Variants in KCNIP4 observed in about 807,000 individuals in gnomAD.
KCNIP4 encodes Kv channel-interacting protein 4.
A neutral mutation model predicts 34.0 loss-of-function variants in KCNIP4; 12 were observed. The observed-to-expected ratio is 0.35, with a 90% CI of 0.23 to 0.57. The LOEUF (loss-of-function observed/expected upper bound fraction) is 0.57, where lower values mean the gene tolerates loss of function less well. Among genes scored for constraint, KCNIP4 ranks in the 20% least tolerant of loss-of-function variants. The pLI, the probability that KCNIP4 is intolerant of heterozygous loss-of-function variation, is 0.83. For synonymous variants in KCNIP4, 124 were observed against 102.2 expected (o/e 1.21, Z -1.29); for missense variants, 238 against 311.7 (o/e 0.76, Z 1.78).
At chr4:21,498,991 C>G (rs1363090586) in intron 1 of KCNIP4, among the ~76,000 whole-genome samples, 1 of 152,130 alleles carries the variant, frequency 6.6e-6, no homozygotes, top group Non-Finnish European at 1.5e-5. Flanking sequence ...ATTTTCTTTG[C>G]TATTTATGTA....
rs969754473 is a variant in KCNIP4 at position 20,892,785 on chromosome 4, C to T, written c.62-10076G>A. 1.1e-4 allele frequency among the ~76,000 whole-genome samples: 16 copies of T among 152,208 alleles called. 1 individual carries two copies. The highest frequency in any genetic ancestry group is 9.8e-4 in the Admixed American group (15 of 15,280). ...CTTCTAAGTGTGTTTGTTTTTATCA[C>T]CTCTCTGCTGTACTGGCAGAACTAG... On this transcript the variant is annotated intron_variant, in intron 1 of 8. Transcript: ENST00000382152.
intron 1 of KCNIP4, among the ~76,000 whole-genome samples, chr4:21,688,820 C>A (rs1284104438): frequency 6.6e-6 from 1 of 151,776 alleles, no homozygotes; most frequent in African/African-American, 2.4e-5. Flanking sequence ...CCTCTCTCTC[C>A]CCAGCTGCTT....
At chr4:21,714,785 G>GACC (rs939238600) in intron 1 of KCNIP4, among the ~76,000 whole-genome samples, 1 of 43,388 alleles carries the variant, frequency 2.3e-5, no homozygotes, top group East Asian at 1.1e-3. Context: ...ATTTCCCTTT[G>GACC]ATTATTTTAT....
chr4:21,520,884 G>A (rs1311247397), intron 1 of KCNIP4, among the ~76,000 whole-genome samples: 1 of 152,118 alleles, frequency 6.6e-6, no homozygotes, highest in Non-Finnish European at 1.5e-5. Context: ...GAAAATGTAT[G>A]CTCTTAAGGC....
chr4:21,272,751 C>T (rs766743002), intron 1 of KCNIP4, among the ~76,000 whole-genome samples: 1 of 151,808 alleles, frequency 6.6e-6, no homozygotes, highest in Non-Finnish European at 1.5e-5. Flanking sequence ...TATTATTTTG[C>T]TTGGTGACTG....
At chr4:20,907,696 G>A (rs1560560729) in intron 1 of KCNIP4, among the ~76,000 whole-genome samples, 1 of 152,082 alleles carries the variant, frequency 6.6e-6, no homozygotes, top group Non-Finnish European at 1.5e-5. Context: ...TGATTTTTGT[G>A]CTGTTGTTAG....
intron 1 of KCNIP4, among the ~76,000 whole-genome samples, chr4:21,837,061 G>A (rs1435771737): frequency 1.3e-5 from 2 of 151,182 alleles, no homozygotes; most frequent in African/African-American, 4.9e-5. Flanking sequence ...GGGACTACAG[G>A]GGCCCGCCAC....
intron 1 of KCNIP4, among the ~76,000 whole-genome samples, chr4:21,528,845 A>G (rs1736396089): frequency 1.4e-5 from 2 of 144,486 alleles, no homozygotes; most frequent in African/African-American, 5.1e-5. Context: ...GGAAGGAAGG[A>G]AGGAAGGAAG....
At chr4:21,796,281 A>G (rs1279544750) in intron 1 of KCNIP4, among the ~76,000 whole-genome samples, 1 of 152,084 alleles carries the variant, frequency 6.6e-6, no homozygotes, top group Admixed American at 6.5e-5. Flanking sequence ...GGTTCTCTCC[A>G]ACCTTTCATT....
intron 1 of KCNIP4, among the ~76,000 whole-genome samples, chr4:21,387,950 C>T (rs1451160584): frequency 6.6e-6 from 1 of 152,084 alleles, no homozygotes; most frequent in Non-Finnish European, 1.5e-5. Context: ...TAATGGACGT[C>T]AGGGACAGCT....
intron 1 of KCNIP4, among the ~76,000 whole-genome samples, chr4:20,989,992 C>T (rs574295536): frequency 2.7e-4 from 41 of 152,168 alleles, no homozygotes; most frequent in African/African-American, 9.9e-4. Context: ...AGACAGCATT[C>T]ACGACAGTGG....
chr4:21,296,179 CT>C (rs2109225517), intron 1 of KCNIP4, among the ~76,000 whole-genome samples: 1 of 152,168 alleles, frequency 6.6e-6, no homozygotes, highest in East Asian at 1.9e-4. Flanking sequence ...ATGAATTGTT[CT>C]TTGATTTTGG....
chr4:21,279,402 T>C (rs1359219402), intron 1 of KCNIP4, among the ~76,000 whole-genome samples: 1 of 151,916 alleles, frequency 6.6e-6, no homozygotes, highest in Non-Finnish European at 1.5e-5. Flanking sequence ...CAATATTAAA[T>C]AAAAATATTT....
intron 1 of KCNIP4, among the ~76,000 whole-genome samples, chr4:21,312,725 T>C (rs1713315814): frequency 6.6e-6 from 1 of 152,230 alleles, no homozygotes; most frequent in African/African-American, 2.4e-5. Flanking sequence ...CCTGCATTCA[T>C]GACAACTTTC....
intron 1 of KCNIP4, among the ~76,000 whole-genome samples, chr4:21,448,830 T>G (rs1302441256): frequency 6.6e-6 from 1 of 152,192 alleles, no homozygotes; most frequent in Non-Finnish European, 1.5e-5. Flanking sequence ...GGAGAACTTC[T>G]TGTTTGATGA....
intron 4 of KCNIP4, among the ~76,000 whole-genome samples, chr4:20,757,581 C>G (rs1334334351): frequency 6.6e-6 from 1 of 152,190 alleles, no homozygotes; most frequent in Non-Finnish European, 1.5e-5. Context: ...TGCCCATCTT[C>G]AGTTCTATGC....
intron 4 of KCNIP4, among the ~76,000 whole-genome samples, chr4:20,757,030 CTTG>C (rs1201603197): frequency 1.3e-5 from 2 of 152,112 alleles, no homozygotes; most frequent in East Asian, 3.9e-4. Flanking sequence ...GTGCCAACTT[CTTG>C]TTGAGTCTAA....
At position 21,374,331 on chromosome 4, in the gene KCNIP4, T is replaced by C. The variant is rs533399622; in HGVS notation, c.62-491622A>G. On this transcript the variant is annotated intron_variant, in intron 1 of 8. Transcript: ENST00000382152. ...GAAGGTGAAAGGCAAAAGGCACAACTTACATGGCAGCAGGCAAGAGAGAGA... is the reference window on the plus strand; with the variant it reads ...GAAGGTGAAAGGCAAAAGGCACAACCTACATGGCAGCAGGCAAGAGAGAGA... 2.0e-5 allele frequency among the ~76,000 whole-genome samples: 3 copies of C among 147,084 alleles called. 1 individual carries two copies. The East Asian group carries it at 6.0e-4, about 29-fold the overall frequency.
chr4:21,521,424 T>A (rs1735513742), intron 1 of KCNIP4, among the ~76,000 whole-genome samples: 1 of 152,142 alleles, frequency 6.6e-6, no homozygotes, highest in Non-Finnish European at 1.5e-5. Flanking sequence ...CTATCAAGTG[T>A]CAGCTCTTGC....
Sources: gnomAD v4.1 joint callset for allele counts (sites outside exome capture counted in the v4.1 genomes callset) on GRCh38, gnomAD v4.1.1 for gene constraint, MANE v1.5 for transcripts, NCBI Gene and HGNC (gene_info 2026-07-23, HGNC 2026-07-21) for gene names.